The following RHPN1 variants were observed in gnomAD, a reference collection of about 807,000 sequenced individuals.
The protein encoded by RHPN1 is rhophilin-1.
RHPN1 carries 77 observed loss-of-function variants against 74.7 expected under a neutral mutation model. The observed-to-expected ratio is 1.03, with a 90% confidence interval of 0.86 to 1.25. The LOEUF (loss-of-function observed/expected upper bound fraction) is 1.25, where lower values mean the gene tolerates loss of function less well. RHPN1 is among the 50% of genes most tolerant of loss of function. The pLI, the probability that RHPN1 is intolerant of heterozygous loss-of-function variation, is 0.00. For synonymous variants in RHPN1, 444 were observed against 414.5 expected (o/e 1.07, Z -0.87); for missense variants, 987 against 932.2 (o/e 1.06, Z -0.77).
upstream of RHPN1, chr8:143,368,321 C>G (rs1817606949): frequency 6.5e-6 from 1 of 153,536 alleles, no homozygotes; most frequent in Non-Finnish European, 1.5e-5. Flanking sequence ...CTCCGCTCCG[C>G]GGGCAGAGAG....
Position 143,378,356 on chromosome 8 carries a change from T to TCCC in RHPN1, c.459+13_459+15dup. 7 of 1,525,438 alleles carry TCCC rather than the reference T, an allele frequency of 4.6e-6. No homozygotes were observed. Among genetic ancestry groups the TCCC allele is most frequent in the South Asian group, 1.2e-5 (1 of 83,568 alleles). 94.5% of individuals were successfully genotyped at this position (1,525,438 alleles called of 1,614,324 possible). On this transcript the variant is annotated intron_variant, in intron 5 of 14. Transcript: ENST00000289013. ...GGAGGCCCTGCGGCAGGTGTGTGGTTCCCCCGCCCACCCACCCTCCTGCAG... is the reference window on the plus strand; with the variant it reads ...GGAGGCCCTGCGGCAGGTGTGTGGTTCCCCCCCCGCCCACCCACCCTCCTGCAG...
At position 143,380,087 on chromosome 8, in the gene RHPN1, G is replaced by A. The variant is rs371286966; in HGVS notation, c.1128G>A (p.Thr376=). Residue 376 remains threonine, a synonymous_variant, in exon 10 of 15, where the codon ACG becomes ACA. Transcript: ENST00000289013. ...GSPATEGELP[T]HEQVFLQPPT... ...CAGCGACCGAGGGAGAGCTCCCCAC[G>A]CACGAGCAGGTCTTCCTGCAGCCCC... 6.4e-5 allele frequency: 99 copies of A among 1,552,080 alleles called. No individual in the cohort carries two copies. Among genetic ancestry groups the A allele is most frequent in the Non-Finnish European group, 8.3e-5 (95 of 1,149,118 alleles).
intron 10 of RHPN1, 67 bp downstream of exon 10, chr8:143,380,242 A>C: frequency 1.8e-6 from 2 of 1,104,840 alleles, no homozygotes; most frequent in South Asian, 1.6e-5. Flanking sequence ...GGTGTCCCCC[A>C]CCACCCTCAT....
At position 143,379,973 on chromosome 8, in the gene RHPN1, T is replaced by C; in HGVS notation, c.1090T>C (p.Cys364Arg). ...CCACTACCACGTAGCCATGGCCCTC[T>C]GCGACGGCTCCCGTGAGTGCCCACC... ...LAHYHVAMAL[C>R]DGSPATEGEL... Residue 364 changes from cysteine to arginine, a missense_variant, in exon 9 of 15, where the codon TGC becomes CGC. Cys to Arg is a radical substitution (Grantham distance 180). Transcript: ENST00000289013. 2 of 1,565,386 alleles carry C rather than the reference T, an allele frequency of 1.3e-6. No homozygotes were observed. The highest frequency in any genetic ancestry group is 1.2e-5 in the South Asian group (1 of 85,136).
At chr8:143,382,006 T>C (rs749935546) in intron 14 of RHPN1, 38 bp downstream of exon 14, 9 of 1,529,472 alleles carry the variant, frequency 5.9e-6, no homozygotes, top group Non-Finnish European at 7.9e-6. Context: ...GTCCCCAGCT[T>C]GCTGTCACCA....
intron 1 of RHPN1, among the ~76,000 whole-genome samples, chr8:143,375,098 T>A (rs376420757): frequency 4.7e-4 from 72 of 152,256 alleles, no homozygotes; most frequent in African/African-American, 1.4e-3. Context: ...TGGGAATGAT[T>A]TGGAGGCGTG....
Position 143,376,589 on chromosome 8 carries a change from C to G in RHPN1, c.241C>G (p.Leu81Val). Residue 81 changes from leucine to valine, a missense_variant, in exon 3 of 15, where the codon CTG becomes GTG. Physicochemically the swap from Leu to Val is conservative, Grantham distance 32 (BLOSUM62 1). Coordinates refer to ENST00000289013, the MANE Select transcript of RHPN1 (RefSeq NM_052924.3). Reference protein sequence around the residue: ...ALELSYVNSNLQLLKEELEEL... With the variant: ...ALELSYVNSNVQLLKEELEEL... The stretch of plus-strand genomic sequence containing the variant: ...GGAGCTGAGCTACGTCAACTCCAAC[C>G]TGCAGCTGCTGAAGGAGGAGCTGGA... 2 of 1,605,940 alleles carry G rather than the reference C, an allele frequency of 1.2e-6. No homozygotes were observed. The highest frequency in any genetic ancestry group is 1.7e-6 in the Non-Finnish European group (2 of 1,176,610).
chr8:143,382,245 T>C (rs1818790578), intron 14 of RHPN1, among the ~76,000 whole-genome samples, 191 bp from the exon 15 acceptor site: 1 of 152,184 alleles, frequency 6.6e-6, no homozygotes, highest in Non-Finnish European at 1.5e-5. Flanking sequence ...AGGTTTTCTC[T>C]ACCCAGCATG....
chr8:143,368,063 G>A (rs1214619010), upstream of RHPN1: 2 of 153,448 alleles, frequency 1.3e-5, no homozygotes, highest in Non-Finnish European at 2.9e-5. Flanking sequence ...GTCAGTCCAG[G>A]AAACAAGCTC....
Position 143,382,479 on chromosome 8 carries a change from G to C in RHPN1, c.1841G>C (p.Arg614Thr), listed in dbSNP as rs763806326. The C allele has an allele frequency of 3.1e-6, 5 of 1,598,192 alleles. No individual in the cohort carries two copies. The highest frequency in any genetic ancestry group is 3.5e-5 in the Admixed American group (2 of 57,692). Residue 614 changes from arginine to threonine, a missense_variant, in exon 15 of 15, where the codon AGG (arginine) becomes ACG (threonine). Physicochemically the swap from Arg to Thr is moderately conservative, Grantham distance 71 (BLOSUM62 -1). Coordinates refer to ENST00000289013, the MANE Select transcript of RHPN1 (RefSeq NM_052924.3). ...PVLLGPRGLLRSQREHGCKTP... is the reference protein window; with the variant it reads ...PVLLGPRGLLTSQREHGCKTP... ...CTGCTGGGCCCCAGGGGGCTTCTAA[G>C]GAGCCAGAGGGAGCATGGTTGCAAG...
At position 143,369,104 on chromosome 8, in the gene RHPN1, G is replaced by A. The variant is rs892461950; in HGVS notation, c.60+57G>A. ...GGGCCCGGAATCCCGGCCTTTTCCT[G>A]CCCCCCCTCGAGGCGCGTTCCGGGC... On this transcript the variant is annotated intron_variant, in intron 1 of 14. Transcript: ENST00000289013. 4.6e-5 allele frequency: 62 copies of A among 1,351,674 alleles called. No individual in the cohort carries two copies. The African/African-American group carries it at 9.4e-4, about 21-fold the overall frequency. The allele number at this position is 1,351,674 out of a possible 1,614,324, so 83.7% of individuals were successfully genotyped here. A position where few individuals can be genotyped will look rare whatever the true frequency, so the allele number is the denominator to read the frequency against.
intron 10 of RHPN1, 146 bp from the exon 11 acceptor site, chr8:143,380,443 C>T: frequency 4.0e-6 from 3 of 753,286 alleles, no homozygotes; most frequent in Non-Finnish European, 6.2e-6. Context: ...CCCTCCTGCA[C>T]AGCCAGCTCC....
rs796254114 is a variant in RHPN1, at chr8:143,376,906, G to A, written c.305+253G>A. Among the ~76,000 whole-genome samples, 14 of 125,846 alleles carry A rather than the reference G, an allele frequency of 1.1e-4. No homozygotes were observed. In the South Asian group the frequency reaches 1.2e-3, roughly 11 times the overall value. 82.6% of individuals were successfully genotyped at this position (125,846 alleles called of 152,430 possible). A position where few individuals can be genotyped will look rare whatever the true frequency, so the allele number is the denominator to read the frequency against. ...TGTGTGTGCATGCGTCTGTGTGCGC[G>A]TGTGTCTGTGTGTCTGCATGTGTCT... On this transcript the variant is annotated intron_variant, in intron 3 of 14. Transcript: ENST00000289013.
chr8:143,382,079 G>A (rs2129643119), intron 14 of RHPN1, 111 bp downstream of exon 14: 1 of 1,160,842 alleles, frequency 8.6e-7, no homozygotes. Flanking sequence ...GGGGCTGCAG[G>A]TAACCCTCCC....
intron 3 of RHPN1, 54 bp downstream of exon 3, chr8:143,376,707 G>GTGTGTGTGCATGTGTGTGCACGCA: frequency 1.3e-6 from 2 of 1,529,380 alleles, no homozygotes; most frequent in South Asian, 2.4e-5. Flanking sequence ...ACGTGTGCGT[G>GTGTGTGTGCATGTGTGTGCACGCA]TGTGTGTGCA....
chr8:143,373,664 G>T (rs1444195564), intron 1 of RHPN1, among the ~76,000 whole-genome samples: 1 of 112,714 alleles, frequency 8.9e-6, no homozygotes, highest in East Asian at 2.4e-4. Flanking sequence ...CCAGGGGACG[G>T]TGTGGGGGTT....
chr8:143,376,003 G>A (rs941513533), intron 2 of RHPN1, among the ~76,000 whole-genome samples: 3 of 152,218 alleles, frequency 2.0e-5, no homozygotes, highest in African/African-American at 7.2e-5. Flanking sequence ...CAAGGTTGGG[G>A]ACCTGGGAGG....
intron 4 of RHPN1, 101 bp from the exon 5 acceptor site, chr8:143,378,168 C>A: frequency 1.0e-6 from 1 of 995,338 alleles, no homozygotes; most frequent in Non-Finnish European, 1.5e-6. Context: ...GGCACAGACC[C>A]TCCCTCCACC....
chr8:143,367,883 G>C (rs973584721), upstream of RHPN1: 1 of 152,336 alleles, frequency 6.6e-6, no homozygotes, highest in Non-Finnish European at 1.5e-5. Flanking sequence ...GGGCTCCGGA[G>C]TCACCAGACA....
Sources: gnomAD v4.1 joint callset for allele counts (sites outside exome capture counted in the v4.1 genomes callset) on GRCh38, gnomAD v4.1.1 for gene constraint, MANE v1.5 for transcripts, NCBI Gene and HGNC (gene_info 2026-07-23, HGNC 2026-07-21) for gene names.